The following THSD4 variants were observed in gnomAD, a reference collection of about 807,000 sequenced individuals.
The protein encoded by THSD4 is thrombospondin type 1 domain containing 4.
Under a neutral mutation model 119.0 loss-of-function variants are expected in THSD4, and 69 were observed. The ratio of observed to expected loss-of-function variants is 0.58; its 90% CI spans 0.48 to 0.71. The LOEUF (loss-of-function observed/expected upper bound fraction) is 0.71, where lower values mean the gene tolerates loss of function less well. Among genes scored for constraint, THSD4 ranks in the 30% least tolerant of loss-of-function variants. The pLI is 0.00. For synonymous variants in THSD4, 524 were observed against 540.4 expected, an observed-to-expected ratio of 0.97 and a Z score of 0.42; for missense variants, 1,393 against 1,391.1, an observed-to-expected ratio of 1.00 and a Z score of -0.02.
chr15:71,493,067 T>A (rs979502174), intron 7 of THSD4, among the ~76,000 whole-genome samples: 7 of 152,196 alleles, frequency 4.6e-5, no homozygotes, highest in Non-Finnish European at 1.0e-4. Flanking sequence ...TTCAGAGCCA[T>A]ATGGTTGTTC....
intron 6 of THSD4, among the ~76,000 whole-genome samples, chr15:71,336,433 A>G (rs2045490527): frequency 6.6e-6 from 1 of 152,252 alleles, no homozygotes; most frequent in Non-Finnish European, 1.5e-5. Flanking sequence ...GGAATTTTAT[A>G]CTTTATCATT....
chr15:71,765,092 G>A lies in THSD4; in HGVS notation c.2662G>A (p.Glu888Lys), dbSNP rs1468626923. 3 of 1,614,226 alleles carry A rather than the reference G, an allele frequency of 1.9e-6. No individual in the cohort carries two copies. The highest frequency in any genetic ancestry group is 3.3e-5 in the Admixed American group (2 of 60,030). ...TGTTAGAAAGAATGCAGACACCTTTGAAGTGTTGGACCCCTCTGAATGTTC... is the reference window on the plus strand; with the variant it reads ...TGTTAGAAAGAATGCAGACACCTTTAAAGTGTTGGACCCCTCTGAATGTTC... The part of the protein sequence containing the change: ...ICVRKNADTF[E>K]VLDPSECSFL... Residue 888 changes from glutamate (E) to lysine (K), a missense_variant, in exon 16 of 18, where the codon GAA (glutamate) becomes AAA (lysine). Transcript: ENST00000261862.
At position 71,411,835 on chromosome 15, in the gene THSD4, C is replaced by T. The variant is rs369435649; in HGVS notation, c.1152+12C>T. 37 of 1,613,562 alleles carry T rather than the reference C, an allele frequency of 2.3e-5. No homozygotes were observed. The highest frequency in any genetic ancestry group is 1.9e-4 in the South Asian group (17 of 91,036). On this transcript the variant is annotated intron_variant, in intron 7 of 17. Coordinates refer to ENST00000261862, the MANE Select transcript of THSD4 (RefSeq NM_024817.3). ...CTGGGCAGTGCAAGGTAAGTGCCCC[C>T]GAACTGGGGTGAATTCTTAAGGTGT...
intron 7 of THSD4, among the ~76,000 whole-genome samples, chr15:71,466,526 T>G (rs1168696542): frequency 6.6e-6 from 1 of 152,128 alleles, no homozygotes; most frequent in East Asian, 1.9e-4. Context: ...GGCAGAACCC[T>G]CAGGAGCCTT....
Position 71,547,394 on chromosome 15 carries a change from C to A in THSD4, c.1153-113136C>A, listed in dbSNP as rs1180971803. ...GACGGAGTTCTCCTCTAGGGTAGTT[C>A]TAACTTTGGGTAATAATGTTTGTCA... On this transcript the variant is annotated intron_variant, in intron 7 of 17. Transcript: ENST00000261862. 2.6e-6 allele frequency: 4 copies of A among 1,550,218 alleles called. No homozygotes were observed. In the South Asian group the frequency reaches 3.6e-5, roughly 14 times the overall value.
intron 3 of THSD4, among the ~76,000 whole-genome samples, chr15:71,156,580 T>C (rs931688036): frequency 1.3e-5 from 2 of 152,156 alleles, no homozygotes; most frequent in Non-Finnish European, 2.9e-5. Context: ...AGGGTTTTCA[T>C]AGGGGAAATT....
At chr15:71,573,589 A>G (rs1306155168) in intron 7 of THSD4, among the ~76,000 whole-genome samples, 2 of 152,186 alleles carry the variant, frequency 1.3e-5, no homozygotes, top group Non-Finnish European at 2.9e-5. Context: ...AAATAAGTTA[A>G]ACACCATACT....
At chr15:71,165,101 C>T (rs2043283209) in intron 3 of THSD4, 4 of 1,611,140 alleles carry the variant, frequency 2.5e-6, no homozygotes, top group Admixed American at 1.7e-5. Context: ...ATACTCAGAG[C>T]AGAAGAGGAA....
intron 7 of THSD4, among the ~76,000 whole-genome samples, chr15:71,592,017 G>A (rs75640948): frequency 0.24 from 36,951 of 152,048 alleles, 4,973 homozygotes; most frequent in Non-Finnish European, 0.3. Context: ...TTTTAAAGAC[G>A]AGGAAAAGAG....
At chr15:71,432,693 T>C (rs2046958373) in intron 7 of THSD4, among the ~76,000 whole-genome samples, 2 of 152,112 alleles carry the variant, frequency 1.3e-5, no homozygotes, top group African/African-American at 4.8e-5. Context: ...TATAGTCAGC[T>C]TTGACCACAT....
chr15:71,475,159 C>T (rs186122190), intron 7 of THSD4, among the ~76,000 whole-genome samples: 2 of 152,188 alleles, frequency 1.3e-5, no homozygotes, highest in African/African-American at 2.4e-5. Flanking sequence ...AATCCCTTTA[C>T]GAAGCCAGCC....
chr15:71,455,869 A>G (rs1037479864), intron 7 of THSD4, among the ~76,000 whole-genome samples: 1 of 152,120 alleles, frequency 6.6e-6, no homozygotes, highest in African/African-American at 2.4e-5. Flanking sequence ...TTTTCCCATC[A>G]ATTCTGATAG....
intron 16 of THSD4, among the ~76,000 whole-genome samples, chr15:71,768,001 T>C (rs2053743833): frequency 6.6e-6 from 1 of 152,162 alleles, no homozygotes; most frequent in Non-Finnish European, 1.5e-5. Flanking sequence ...TATAATACTT[T>C]AAAAAACTGA....
chr15:71,243,269 T>TC (rs1208547016), intron 5 of THSD4, among the ~76,000 whole-genome samples, 173 bp downstream of exon 5: 1 of 137,832 alleles, frequency 7.3e-6, no homozygotes, highest in African/African-American at 2.7e-5. Context: ...CATAGTTTTC[T>TC]TTTTTTTTTT....
At chr15:71,454,614 T>G (rs1361344900) in intron 7 of THSD4, among the ~76,000 whole-genome samples, 1 of 152,214 alleles carries the variant, frequency 6.6e-6, no homozygotes, top group Non-Finnish European at 1.5e-5. Context: ...TATGGCAACT[T>G]GCAATGAAGG....
intron 6 of THSD4, among the ~76,000 whole-genome samples, chr15:71,392,016 TA>T (rs1247347149): frequency 6.6e-6 from 1 of 152,198 alleles, no homozygotes; most frequent in African/African-American, 2.4e-5. Context: ...CTTCCAGGGA[TA>T]TTTTAACTTG....
intron 7 of THSD4, among the ~76,000 whole-genome samples, chr15:71,471,910 A>T (rs1309954438): frequency 6.6e-6 from 1 of 151,960 alleles, no homozygotes; most frequent in Admixed American, 6.6e-5. Context: ...GCTTAAGTAC[A>T]TTGGTGTTTT....
chr15:71,282,606 C>T (rs1180502755), intron 6 of THSD4, among the ~76,000 whole-genome samples: 1 of 152,128 alleles, frequency 6.6e-6, no homozygotes, highest in Non-Finnish European at 1.5e-5. Context: ...AGTTAACCCA[C>T]ACTTACTTTC....
At chr15:71,280,249 C>T (rs560877657) in intron 6 of THSD4, among the ~76,000 whole-genome samples, 42 of 152,100 alleles carry the variant, frequency 2.8e-4, no homozygotes, top group African/African-American at 9.9e-4. Context: ...CAGTGTAGGA[C>T]GAGGTTGGCC....
Sources: gnomAD v4.1 joint callset for allele counts (sites outside exome capture counted in the v4.1 genomes callset) on GRCh38, gnomAD v4.1.1 for gene constraint, MANE v1.5 for transcripts, NCBI Gene and HGNC (gene_info 2026-07-23, HGNC 2026-07-21) for gene names.